COX5A: variants seen among roughly 807,000 people sequenced by gnomAD.
COX5A encodes the protein cytochrome c oxidase subunit 5A, also known as cytochrome c oxidase subunit 5A, mitochondrial.
Under a neutral mutation model 16.1 loss-of-function variants are expected in COX5A, and 6 were observed. The ratio of observed to expected loss-of-function variants is 0.37; its 90% confidence interval spans 0.20 to 0.73. COX5A has a LOEUF of 0.73. Among genes scored for constraint, COX5A ranks in the 30% least tolerant of loss-of-function variants. COX5A has a pLI of 0.50. For synonymous variants in COX5A, 73 were observed against 73.8 expected, an observed-to-expected ratio of 0.99 and a Z score of 0.06; for missense variants, 159 against 194.9, an observed-to-expected ratio of 0.82 and a Z score of 1.10.
chr15:74,926,288 C>A (rs552497523), intron 3 of COX5A, among the ~76,000 whole-genome samples: 1 of 151,830 alleles, frequency 6.6e-6, no homozygotes, highest in African/African-American at 2.4e-5. Flanking sequence ...GATCCGCCCG[C>A]CTCGGCCTCC....
intron 3 of COX5A, among the ~76,000 whole-genome samples, chr15:74,925,453 A>G (rs1306612179): frequency 1.3e-5 from 2 of 151,866 alleles, no homozygotes; most frequent in Non-Finnish European, 2.9e-5. Flanking sequence ...CAATGGTGCC[A>G]TCTTGGCTCA....
intron 3 of COX5A, among the ~76,000 whole-genome samples, 180 bp from the exon 4 acceptor site, chr15:74,923,950 C>T (rs1361617473): frequency 6.6e-6 from 1 of 152,042 alleles, no homozygotes; most frequent in Non-Finnish European, 1.5e-5. Context: ...GAGGCTGAGG[C>T]GGGCGGATCA....
chr15:74,929,078 C>A (rs777229415), intron 2 of COX5A, 38 bp downstream of exon 2: 1 of 1,415,502 alleles, frequency 7.1e-7, no homozygotes, highest in South Asian at 1.2e-5. Context: ...TTCATATTTA[C>A]ACACCAAAAT....
rs771544611 is a variant in COX5A at position 74,923,651 on chromosome 15, T to C, written c.*6A>G. 1.6e-5 allele frequency: 26 copies of C among 1,576,288 alleles called. No homozygotes were observed. Among genetic ancestry groups the C allele is most frequent in the South Asian group, 2.2e-5 (2 of 90,268 alleles). On this transcript the variant is annotated 3_prime_UTR_variant, in exon 4 of 5. Transcript: ENST00000322347. ...TCTTCAGTGGTTTGTCGCTTACCCA[T>C]GCGGTTTACACTTTGTCAAGGCCCA...
chr15:74,923,236 C>G lies in COX5A; in HGVS notation c.*9+412G>C, dbSNP rs577624800. Among the ~76,000 whole-genome samples, 4 of 151,898 alleles carry G rather than the reference C, an allele frequency of 2.6e-5. No individual in the cohort carries two copies. In the East Asian group the frequency reaches 7.8e-4, roughly 30 times the overall value. On this transcript the variant is annotated intron_variant, in intron 4 of 4. Transcript: ENST00000322347. ...GTCAGGGGTTTGAGACCAGCCTGGC[C>G]GACAGGATGAAATCCCGTCTTTACT...
At chr15:74,925,237 A>G (rs1485480974) in intron 3 of COX5A, among the ~76,000 whole-genome samples, 1 of 151,862 alleles carries the variant, frequency 6.6e-6, no homozygotes, top group African/African-American at 2.4e-5. Context: ...GAGACCTCGG[A>G]GGTTGCAGTG....
At chr15:74,921,431 AAG>A (rs2065320164) in intron 4 of COX5A, among the ~76,000 whole-genome samples, 2 of 141,002 alleles carry the variant, frequency 1.4e-5, no homozygotes, top group African/African-American at 5.2e-5. Context: ...AAAAAAGAAA[AAG>A]AATATCAATC....
At chr15:74,923,906 A>G (rs2065332373) in intron 3 of COX5A, 136 bp from the exon 4 acceptor site, 1 of 609,090 alleles carries the variant, frequency 1.6e-6, no homozygotes, top group Non-Finnish European at 2.9e-6. Flanking sequence ...TCAGCTGGGC[A>G]TGGTGGCTCA....
chr15:74,927,908 A>G (rs867167542), intron 2 of COX5A, among the ~76,000 whole-genome samples: 1 of 152,246 alleles, frequency 6.6e-6, no homozygotes, highest in South Asian at 2.1e-4. Context: ...ATAGAGAAAC[A>G]TTAGTACACA....
intron 4 of COX5A, among the ~76,000 whole-genome samples, chr15:74,923,141 T>C (rs1011574814): frequency 1.3e-5 from 2 of 152,010 alleles, no homozygotes; most frequent in Admixed American, 1.3e-4. Flanking sequence ...AAGAAAATAA[T>C]GATGCCGGGC....
At chr15:74,927,207 T>TGCTCTG (rs2065348346) in intron 2 of COX5A, among the ~76,000 whole-genome samples, 1 of 152,056 alleles carries the variant, frequency 6.6e-6, no homozygotes. Context: ...GATGGAGTCT[T>TGCTCTG]GCTCTGTCAC....
chr15:74,930,248 T>C (rs1481179471), intron 1 of COX5A, among the ~76,000 whole-genome samples: 2 of 151,274 alleles, frequency 1.3e-5, no homozygotes, highest in African/African-American at 2.4e-5. Context: ...TGAAACCCCA[T>C]CTCTACTAAA....
At chr15:74,924,112 C>T (rs1392321560) in intron 3 of COX5A, among the ~76,000 whole-genome samples, 1 of 152,006 alleles carries the variant, frequency 6.6e-6, no homozygotes, top group South Asian at 2.1e-4. Context: ...ACCCGGGAAG[C>T]GGAGGTTGCA....
In COX5A at chr15:74,920,391, G is replaced by C. The variant is rs1188481519; in HGVS notation, c.*61C>G. 1.4e-6 allele frequency: 1 copy of C among 695,108 alleles called. No homozygotes were observed. Among genetic ancestry groups the C allele is most frequent in the South Asian group, 1.5e-5 (1 of 64,946 alleles). 43.1% of individuals were successfully genotyped at this position (695,108 alleles called of 1,614,324 possible). A position where few individuals can be genotyped will look rare whatever the true frequency, so the allele number is the denominator to read the frequency against. On this transcript the variant is annotated 3_prime_UTR_variant, in exon 5 of 5. Transcript: ENST00000322347. Reference sequence around the variant, plus strand: ...AATATGTTATCATCAGTATTTCCAGGTAACTGTTCACACTCAAGTAGCAAT... The same window carrying C: ...AATATGTTATCATCAGTATTTCCAGCTAACTGTTCACACTCAAGTAGCAAT...
Position 74,926,864 on chromosome 15 carries a change from C to G in COX5A, c.241G>C (p.Asp81His). The change falls in exon 3 of 5, where the codon GAT (aspartate) becomes CAT (histidine). Residue 81 changes from aspartate to histidine, a missense_variant. Transcript: ENST00000322347. ...RKGINTLVTY[D>H]MVPEPKIIDA... ...ATGATTTTGGGCTCTGGAACCATAT[C>G]ATAGGTAACAAGTGTGTTTATCCCT... is the stretch of plus-strand genomic sequence containing the variant. The G allele has an allele frequency of 6.2e-7, 1 of 1,613,724 alleles. No homozygotes were observed. Among genetic ancestry groups the G allele is most frequent in the Non-Finnish European group, 8.5e-7 (1 of 1,179,832 alleles).
In COX5A at chr15:74,920,119, G is replaced by A. The variant is rs1406512050; in HGVS notation, c.*333C>T. 1 of 467,182 alleles carries A rather than the reference G, an allele frequency of 2.1e-6. No individual in the cohort carries two copies. Among genetic ancestry groups the A allele is most frequent in the East Asian group, 4.0e-5 (1 of 25,232 alleles). 28.9% of individuals were successfully genotyped at this position (467,182 alleles called of 1,614,324 possible). On this transcript the variant is annotated 3_prime_UTR_variant, in exon 5 of 5. Coordinates refer to ENST00000322347, the MANE Select transcript of COX5A (RefSeq NM_004255.4). The stretch of plus-strand genomic sequence containing the variant: ...GCCTTCAGCTAATTTACAAGCTAGG[G>A]CACCCAAACATATTAATGAAGCTGA...
At chr15:74,934,190 A>G (rs2065378976) in intron 1 of COX5A, among the ~76,000 whole-genome samples, 1 of 152,158 alleles carries the variant, frequency 6.6e-6, no homozygotes, top group Non-Finnish European at 1.5e-5. Flanking sequence ...ACAAGGCTGC[A>G]GTGAGCTATG....
intron 3 of COX5A, among the ~76,000 whole-genome samples, chr15:74,925,884 A>G (rs1231638309): frequency 6.7e-6 from 1 of 149,716 alleles, no homozygotes; most frequent in Admixed American, 6.7e-5. Context: ...TTTTTTTTAG[A>G]GACGGAGTTT....
At chr15:74,932,720 A>G (rs1355642435) in intron 1 of COX5A, among the ~76,000 whole-genome samples, 1 of 150,452 alleles carries the variant, frequency 6.6e-6, no homozygotes, top group African/African-American at 2.4e-5. Context: ...TTTTTGAGAC[A>G]GAGTCTCACC....
Sources: gnomAD v4.1 joint callset for allele counts (sites outside exome capture counted in the v4.1 genomes callset) on GRCh38, gnomAD v4.1.1 for gene constraint, MANE v1.5 for transcripts, NCBI Gene and HGNC (gene_info 2026-07-23, HGNC 2026-07-21) for gene names.